The following FAM107B variants were observed in gnomAD, a reference collection of about 807,000 sequenced individuals.
FAM107B encodes family with sequence similarity 107 member B, also known as protein FAM107B.
A neutral mutation model predicts 31.5 loss-of-function variants in FAM107B; 21 were observed. The ratio of observed to expected loss-of-function variants is 0.67; its 90% confidence interval spans 0.47 to 0.96. The LOEUF is 0.96. FAM107B is among the 40% of genes least tolerant of loss of function. The pLI is 0.00. For missense variants in FAM107B, 452 were observed against 377.1 expected, an observed-to-expected ratio of 1.20 and a Z score of -1.64; for synonymous variants, 157 against 141.5, an observed-to-expected ratio of 1.11 and a Z score of -0.78.
chr10:14,722,224 T>C (rs1182202244), intron 1 of FAM107B, among the ~76,000 whole-genome samples: 1 of 152,180 alleles, frequency 6.6e-6, no homozygotes, highest in East Asian at 1.9e-4. Flanking sequence ...CCCTAATAAA[T>C]ACTATTCGAT....
At chr10:14,714,715 C>T (rs1855743689) in intron 1 of FAM107B, among the ~76,000 whole-genome samples, 1 of 152,164 alleles carries the variant, frequency 6.6e-6, no homozygotes, top group South Asian at 2.1e-4. Flanking sequence ...TCCAAAGAAA[C>T]TGCCCTAAAA....
chr10:14,745,907 T>C (rs1313660825), intron 1 of FAM107B, among the ~76,000 whole-genome samples: 1 of 152,146 alleles, frequency 6.6e-6, no homozygotes, highest in South Asian at 2.1e-4. Flanking sequence ...GGTGTTAAAG[T>C]GTCCCATTAT....
At chr10:14,569,236 G>A (rs1292780954) in intron 2 of FAM107B, among the ~76,000 whole-genome samples, 1 of 152,120 alleles carries the variant, frequency 6.6e-6, no homozygotes, top group Non-Finnish European at 1.5e-5. Context: ...AAACCCTCAT[G>A]GGTTTGCAGA....
chr10:14,770,653 G>A (rs1262967385), intron 1 of FAM107B, among the ~76,000 whole-genome samples: 3 of 152,272 alleles, frequency 2.0e-5, no homozygotes, highest in East Asian at 3.9e-4. Context: ...ATCATTAAGA[G>A]GTACTAACAA....
At chr10:14,548,244 A>T (rs1015852441) in intron 2 of FAM107B, among the ~76,000 whole-genome samples, 1 of 152,034 alleles carries the variant, frequency 6.6e-6, no homozygotes, top group Non-Finnish European at 1.5e-5. Context: ...TGCCTGGAGG[A>T]GAAGAGAGCA....
At chr10:14,528,938 G>A (rs1846634515) in intron 3 of FAM107B, among the ~76,000 whole-genome samples, 2 of 152,124 alleles carry the variant, frequency 1.3e-5, no homozygotes, top group South Asian at 4.1e-4. Flanking sequence ...GATTTTCCTA[G>A]AAGAAAAAAT....
intron 2 of FAM107B, among the ~76,000 whole-genome samples, chr10:14,591,735 G>A (rs1028770532): frequency 2.0e-5 from 3 of 152,190 alleles, no homozygotes; most frequent in Non-Finnish European, 4.4e-5. Flanking sequence ...TTCCTAAGCT[G>A]AGGCAACGTT....
intron 1 of FAM107B, among the ~76,000 whole-genome samples, chr10:14,767,133 C>T (rs1833199086): frequency 7.3e-6 from 1 of 137,918 alleles, no homozygotes; most frequent in South Asian, 2.5e-4. Flanking sequence ...TTCCCTCTGT[C>T]GCCCAGGCTG....
chr10:14,629,434 AT>A (rs1564606878), intron 2 of FAM107B, among the ~76,000 whole-genome samples: 24 of 9,534 alleles, frequency 2.5e-3, no homozygotes, highest in African/African-American at 0.016. Context: ...TATAATATAT[AT>A]TATATATATA....
At chr10:14,585,176 T>C (rs199502603) in intron 2 of FAM107B, among the ~76,000 whole-genome samples, 1 of 152,228 alleles carries the variant, frequency 6.6e-6, no homozygotes, top group Admixed American at 6.5e-5. Context: ...AGTGTACTTT[T>C]GTTTTCAATA....
chr10:14,766,828 C>G (rs561895975), intron 1 of FAM107B, among the ~76,000 whole-genome samples: 2 of 150,754 alleles, frequency 1.3e-5, no homozygotes, highest in South Asian at 4.2e-4. Context: ...ACAACAACAA[C>G]AACAGAAAGA....
At chr10:14,608,185 C>T (rs1772970063) in intron 2 of FAM107B, among the ~76,000 whole-genome samples, 3 of 152,186 alleles carry the variant, frequency 2.0e-5, no homozygotes, top group South Asian at 2.1e-4. Context: ...CTTAACAATG[C>T]CCTCAAGGAG....
intron 2 of FAM107B, among the ~76,000 whole-genome samples, chr10:14,643,917 C>G (rs560241932): frequency 6.6e-6 from 1 of 152,158 alleles, no homozygotes; most frequent in Non-Finnish European, 1.5e-5. Flanking sequence ...AATAATTCCT[C>G]AAGAACGCAA....
intron 1 of FAM107B, among the ~76,000 whole-genome samples, chr10:14,698,135 A>AAAT (rs904857637): frequency 2.0e-5 from 3 of 152,164 alleles, no homozygotes; most frequent in Admixed American, 6.6e-5. Flanking sequence ...AAAAAAAAAA[A>AAAT]AGAAGAAATA....
At chr10:14,583,086 C>CAAAAAAAAA (rs60205603) in intron 2 of FAM107B, among the ~76,000 whole-genome samples, 1 of 56,352 alleles carries the variant, frequency 1.8e-5, no homozygotes, top group Non-Finnish European at 3.8e-5. Flanking sequence ...GACTCTGTCT[C>CAAAAAAAAA]AAAAAAAAAA....
At chr10:14,596,404 G>A (rs186452643) in intron 2 of FAM107B, among the ~76,000 whole-genome samples, 211 of 152,204 alleles carry the variant, frequency 1.4e-3, no homozygotes, top group Non-Finnish European at 2.1e-3. Context: ...ATGCTAGCCC[G>A]TGATCCCACT....
At chr10:14,602,656 C>T (rs1852437026) in intron 2 of FAM107B, 1 of 152,154 alleles carries the variant, frequency 6.6e-6, no homozygotes, top group Admixed American at 6.5e-5. Context: ...TCTCAGAACA[C>T]AATGTTACCT....
chr10:14,521,224 G>C lies in FAM107B; in HGVS notation c.887C>G (p.Thr296Arg), dbSNP rs375536594. The C allele has an allele frequency of 6.2e-7, 1 of 1,614,044 alleles. No homozygotes were observed. The highest frequency in any genetic ancestry group is 1.3e-5 in the African/African-American group (1 of 74,912). Residue 296 changes from threonine to arginine, a missense_variant, in exon 5 of 5, where the codon ACA (threonine) becomes AGA (arginine). Coordinates refer to ENST00000181796, the MANE Select transcript of FAM107B (RefSeq NM_031453.4). ...CTGGGCTTGGGCGACTTCTTGGCCT[G>C]TTCTCCTGAGATTGCCTTTCACCTT... ...FVKVKGNLRR[T>R]GQEVAQAQES
intron 2 of FAM107B, among the ~76,000 whole-genome samples, chr10:14,556,791 A>G (rs1182333013): frequency 6.6e-6 from 1 of 152,134 alleles, no homozygotes; most frequent in East Asian, 1.9e-4. Flanking sequence ...TGCACTAAGA[A>G]TGGACTTTCC....
Sources: allele counts gnomAD v4.1 joint callset (sites outside exome capture counted in the v4.1 genomes callset), GRCh38; gene constraint gnomAD v4.1.1; transcripts MANE v1.5; gene names NCBI Gene and HGNC (gene_info 2026-07-23, HGNC 2026-07-21).